Variants in SLC24A2 observed in about 807,000 individuals in gnomAD.
SLC24A2 encodes sodium/potassium/calcium exchanger 2.
SLC24A2 carries 36 observed loss-of-function variants against 62.0 expected under a neutral mutation model. The observed-to-expected ratio is 0.58, with a 90% CI of 0.44 to 0.77. SLC24A2 has a LOEUF of 0.77. Among genes scored for constraint, SLC24A2 ranks in the 30% least tolerant of loss-of-function variants. The pLI, the probability that SLC24A2 is intolerant of heterozygous loss-of-function variation, is 0.00. For missense variants in SLC24A2, 846 were observed against 817.9 expected (o/e 1.03, Z -0.42); for synonymous variants, 358 against 294.0 (o/e 1.22, Z -2.23).
At chr9:19,536,440 G>T in intron 8 of SLC24A2, among the ~76,000 whole-genome samples, 1 of 111,702 alleles carries the variant, frequency 9.0e-6, no homozygotes, top group East Asian at 2.9e-4. Flanking sequence ...CTATGAGTGA[G>T]AATATGCGGC....
At chr9:20,116,153 T>C in the SLC24A2 span, among the ~76,000 whole-genome samples, 17,078 of 152,176 alleles carry the variant, frequency 0.11, 1,018 homozygotes, top group Middle Eastern at 0.18. Flanking sequence ...TAATAGACTC[T>C]AGTCCATTTT....
At chr9:20,271,939 C>T in the SLC24A2 span, among the ~76,000 whole-genome samples, 3 of 152,002 alleles carry the variant, frequency 2.0e-5, no homozygotes, top group Admixed American at 2.0e-4. Flanking sequence ...AAGAGGAAAA[C>T]ATGATCAGCC....
the SLC24A2 span, among the ~76,000 whole-genome samples, chr9:20,115,550 AC>A: frequency 6.6e-6 from 1 of 152,140 alleles, no homozygotes; most frequent in African/African-American, 2.4e-5. Flanking sequence ...CTGAGCCCCA[AC>A]AATGCCTGTA....
At chr9:19,907,042 A>C in the SLC24A2 span, among the ~76,000 whole-genome samples, 1 of 152,210 alleles carries the variant, frequency 6.6e-6, no homozygotes, top group African/African-American at 2.4e-5. Flanking sequence ...ATTTTAGACC[A>C]ATATCCCTGA....
the SLC24A2 span, among the ~76,000 whole-genome samples, chr9:19,947,157 C>T: frequency 1.3e-5 from 2 of 152,128 alleles, no homozygotes; most frequent in Non-Finnish European, 2.9e-5. Context: ...TCAGCCAGAC[C>T]AACTGAGCCT....
At chr9:19,878,258 T>C in the SLC24A2 span, among the ~76,000 whole-genome samples, 1 of 152,166 alleles carries the variant, frequency 6.6e-6, no homozygotes, top group East Asian at 1.9e-4. Context: ...CTGGAGACTT[T>C]GAGGCCAATA....
chr9:20,079,523 C>T, the SLC24A2 span, among the ~76,000 whole-genome samples: 1 of 152,172 alleles, frequency 6.6e-6, no homozygotes, highest in Non-Finnish European at 1.5e-5. Context: ...ACATACTGCA[C>T]ATTGGCCACA....
chr9:20,114,291 A>G, the SLC24A2 span, among the ~76,000 whole-genome samples: 21,655 of 152,086 alleles, frequency 0.14, 1,600 homozygotes, highest in Middle Eastern at 0.27. Context: ...GGGCCAGGAA[A>G]AGTCTATGTT....
chr9:20,227,739 C>G, the SLC24A2 span, among the ~76,000 whole-genome samples: 364 of 152,186 alleles, frequency 2.4e-3, no homozygotes, highest in African/African-American at 8.5e-3. Context: ...GGCTTAAAGA[C>G]TGAATCTCTA....
the SLC24A2 span, among the ~76,000 whole-genome samples, chr9:19,815,962 T>TTG: frequency 7.8e-6 from 1 of 128,048 alleles, no homozygotes; most frequent in Non-Finnish European, 1.6e-5. Context: ...TTTGCCCCTT[T>TTG]TTTTTTTTTT....
chr9:19,524,418 C>CAAAAAAAAAAAAAAAAAAAAAAAA (rs34416897), intron 9 of SLC24A2, among the ~76,000 whole-genome samples: 1 of 119,056 alleles, frequency 8.4e-6, no homozygotes. Context: ...AAGATAAAGG[C>CAAAAAAAAAAAAAAAAAAAAAAAA]AAAAAAAAAA....
chr9:20,233,707 A>G, the SLC24A2 span, among the ~76,000 whole-genome samples: 87 of 152,122 alleles, frequency 5.7e-4, no homozygotes, highest in African/African-American at 1.9e-3. Context: ...CTTTTAATTG[A>G]AGCATTTAGT....
rs1277849892 is a variant in SLC24A2 at position 19,509,112 on chromosome 9, GTA to G, written c.*7039_*7040del. On this transcript the variant is annotated 3_prime_UTR_variant, in exon 11 of 11. Transcript: ENST00000341998. Reference sequence around the variant, plus strand: ...CTCAAACACATCCTACATTTCCCAGGTATATGTTTGCTAATTATCTATTTCAT... The same window carrying G: ...CTCAAACACATCCTACATTTCCCAGGTATGTTTGCTAATTATCTATTTCAT... 1 of 151,946 alleles carries G rather than the reference GTA, an allele frequency of 6.6e-6. No individual in the cohort carries two copies. Among genetic ancestry groups the G allele is most frequent in the African/African-American group, 2.4e-5 (1 of 41,368 alleles). 9.4% of individuals were successfully genotyped at this position (151,946 alleles called of 1,614,324 possible).
chr9:19,901,477 A>C, the SLC24A2 span, among the ~76,000 whole-genome samples: 1 of 152,200 alleles, frequency 6.6e-6, no homozygotes, highest in Non-Finnish European at 1.5e-5. Flanking sequence ...CAGATACTTC[A>C]AAGGAGGTCA....
the SLC24A2 span, among the ~76,000 whole-genome samples, chr9:20,161,752 G>A: frequency 1.0e-5 from 1 of 100,286 alleles, no homozygotes; most frequent in African/African-American, 4.5e-5. Flanking sequence ...ATGAAAACAT[G>A]AAGATACACA....
intron 5 of SLC24A2, among the ~76,000 whole-genome samples, chr9:19,590,469 C>G (rs747571711): frequency 6.6e-6 from 1 of 152,206 alleles, no homozygotes; most frequent in Non-Finnish European, 1.5e-5. Context: ...AAACACCCTG[C>G]TCTCCATCCT....
chr9:20,118,936 C>A, the SLC24A2 span, among the ~76,000 whole-genome samples: 12 of 152,082 alleles, frequency 7.9e-5, no homozygotes, highest in Non-Finnish European at 1.6e-4. Flanking sequence ...GATTTCATCA[C>A]ATTATTTAAG....
At chr9:20,143,428 T>C in the SLC24A2 span, among the ~76,000 whole-genome samples, 1 of 152,336 alleles carries the variant, frequency 6.6e-6, no homozygotes, top group African/African-American at 2.4e-5. Flanking sequence ...AAAAATAGAC[T>C]GTTTTTCCTG....
the SLC24A2 span, among the ~76,000 whole-genome samples, chr9:19,830,382 T>C: frequency 6.6e-6 from 1 of 152,242 alleles, no homozygotes; most frequent in East Asian, 1.9e-4. Flanking sequence ...AGGCATTATG[T>C]CAGATTTTGA....
Sources: allele counts gnomAD v4.1 joint callset (sites outside exome capture counted in the v4.1 genomes callset), GRCh38; gene constraint gnomAD v4.1.1; transcripts MANE v1.5; gene names NCBI Gene and HGNC (gene_info 2026-07-23, HGNC 2026-07-21).